PCDHA9: variants seen among roughly 807,000 people sequenced by gnomAD.
PCDHA9 encodes the protein protocadherin alpha 9.
PCDHA9 carries 62 observed loss-of-function variants against 62.0 expected under a neutral mutation model. The observed-to-expected ratio is 1.00, with a 90% CI of 0.81 to 1.23. The LOEUF is 1.23. Among genes scored for constraint, PCDHA9 ranks in the 50% most tolerant of loss-of-function variants. The pLI is 0.00. For synonymous variants in PCDHA9, 557 were observed against 567.6 expected, an observed-to-expected ratio of 0.98 and a Z score of 0.27; for missense variants, 1,205 against 1,249.8, an observed-to-expected ratio of 0.96 and a Z score of 0.54.
intron 1 of PCDHA9, chr5:140,858,460 C>T (rs1395067215): frequency 6.6e-7 from 1 of 1,525,828 alleles, no homozygotes; most frequent in African/African-American, 1.4e-5. Context: ...TTTTCATTTT[C>T]CTTTTGTGCT....
intron 1 of PCDHA9, among the ~76,000 whole-genome samples, chr5:140,973,136 C>G (rs2096573800): frequency 6.6e-6 from 1 of 152,168 alleles, no homozygotes; most frequent in Admixed American, 6.5e-5. Context: ...TTTGCATTCA[C>G]TTTCACTTAT....
At chr5:140,875,616 C>A (rs2055654644) in intron 1 of PCDHA9, 2 of 1,613,748 alleles carry the variant, frequency 1.2e-6, no homozygotes, top group Admixed American at 1.7e-5. Context: ...TGGGCCGCAT[C>A]GCTCAGGACC....
chr5:140,969,428 CAA>C lies in PCDHA9; in HGVS notation c.2395-9520_2395-9519del, dbSNP rs2096329692. The stretch of plus-strand genomic sequence containing the variant: ...GGCTTTATTGAGTCATTAACAGTGA[CAA>C]GAGTTATCTGGTAAACTGAGTATAT... On this transcript the variant is annotated intron_variant, in intron 1 of 3. Coordinates refer to ENST00000532602, the MANE Select transcript of PCDHA9 (RefSeq NM_031857.2). 8.4e-6 allele frequency: 13 copies of C among 1,555,028 alleles called. No homozygotes were observed. The East Asian group carries it at 1.4e-4, about 17-fold the overall frequency.
In PCDHA9 at chr5:140,884,156, G is replaced by C. The variant is rs1554181298; in HGVS notation, c.2394+33267G>C. 1 of 1,613,448 alleles carries C rather than the reference G, an allele frequency of 6.2e-7. No homozygotes were observed. Among genetic ancestry groups the C allele is most frequent in the Admixed American group, 1.7e-5 (1 of 60,012 alleles). On this transcript the variant is annotated intron_variant, in intron 1 of 3. Transcript: ENST00000532602. ...GTTCCGCGTGGGGCTGTACACTGGC[G>C]AGATCAGCACGACGCGCCCTCTGGA...
intron 1 of PCDHA9, among the ~76,000 whole-genome samples, chr5:140,904,555 C>A (rs1345633704): frequency 6.6e-6 from 1 of 151,632 alleles, no homozygotes. Flanking sequence ...CATATAATGA[C>A]TTTTTTTTCC....
chr5:140,959,055 C>A (rs2095463398), intron 1 of PCDHA9, among the ~76,000 whole-genome samples: 1 of 151,914 alleles, frequency 6.6e-6, no homozygotes, highest in African/African-American at 2.4e-5. Flanking sequence ...GGAAAAAATG[C>A]AGTATATATA....
intron 1 of PCDHA9, chr5:140,861,357 G>A (rs560903391): frequency 3.0e-5 from 10 of 335,976 alleles, no homozygotes; most frequent in East Asian, 7.7e-5. Context: ...GGCACATAGC[G>A]TCTTCGCGGT....
chr5:140,854,133 G>A (rs1220974907), intron 1 of PCDHA9: 1 of 410,736 alleles, frequency 2.4e-6, no homozygotes, highest in Non-Finnish European at 3.2e-6. Flanking sequence ...CTGCATTTCA[G>A]CCCGGGTGAC....
chr5:140,982,604 A>G, intron 3 of PCDHA9, 41 bp downstream of exon 3: 1 of 1,607,164 alleles, frequency 6.2e-7, no homozygotes, highest in Non-Finnish European at 8.5e-7. Context: ...TGGTTTCTGG[A>G]AAGTGATCAG....
chr5:140,971,050 C>G (rs2096454255), intron 1 of PCDHA9, among the ~76,000 whole-genome samples: 1 of 152,146 alleles, frequency 6.6e-6, no homozygotes, highest in South Asian at 2.1e-4. Context: ...AAGGGTTTAG[C>G]TTTAAATAAG....
rs139717033 is a variant in PCDHA9 at position 140,850,329 on chromosome 5, C to A, written c.1834C>A (p.Gln612Lys). ...CAACGCGTGGCTTTCATACGAGCTG[C>A]AGCCAGAAACGGCCAGCGCGAGCAT... ...GYNAWLSYEL[Q>K]PETASASIPF... Residue 612 changes from glutamine (Q) to lysine (K), a missense_variant, in exon 1 of 4, where the codon CAG becomes AAG. Gln to Lys is a moderately conservative substitution (Grantham distance 53). This residue lies in a region of PCDHA9 where 887 missense variants were observed against 809.5 expected (regional missense o/e 1.10). Coordinates refer to ENST00000532602, the MANE Select transcript of PCDHA9 (RefSeq NM_031857.2). 510 of 1,597,650 alleles carry A rather than the reference C, an allele frequency of 3.2e-4. 26 individuals are homozygous for A. The African/African-American group carries it at 6.2e-3, about 19-fold the overall frequency.
intron 1 of PCDHA9, among the ~76,000 whole-genome samples, chr5:140,886,194 AAT>A (rs775586198): frequency 9.9e-5 from 15 of 152,172 alleles, no homozygotes; most frequent in Non-Finnish European, 1.9e-4. Context: ...GGCAAGCAGT[AAT>A]CTGTTCTCCA....
At chr5:140,959,568 T>A (rs1333268160) in intron 1 of PCDHA9, among the ~76,000 whole-genome samples, 1 of 152,208 alleles carries the variant, frequency 6.6e-6, no homozygotes, top group African/African-American at 2.4e-5. Flanking sequence ...GTACTAGATT[T>A]TTTGTTTCAA....
chr5:140,931,414 T>C (rs2087515742), intron 1 of PCDHA9, among the ~76,000 whole-genome samples: 1 of 151,886 alleles, frequency 6.6e-6, no homozygotes, highest in Non-Finnish European at 1.5e-5. Context: ...GGCTGATGAA[T>C]CTAGAAGTTA....
chr5:140,928,896 A>G, intron 1 of PCDHA9: 3 of 1,614,108 alleles, frequency 1.9e-6, no homozygotes, highest in Non-Finnish European at 2.5e-6. Context: ...CAGACTTTGA[A>G]GATGTCTGGG....
intron 1 of PCDHA9, among the ~76,000 whole-genome samples, chr5:140,895,090 T>A (rs2064836305): frequency 6.6e-6 from 1 of 152,190 alleles, no homozygotes; most frequent in Non-Finnish European, 1.5e-5. Flanking sequence ...CTCCTCAGTA[T>A]AGGGGTTTTT....
intron 3 of PCDHA9, among the ~76,000 whole-genome samples, chr5:140,997,165 G>A (rs1554255769): frequency 6.6e-6 from 1 of 151,976 alleles, no homozygotes; most frequent in African/African-American, 2.4e-5. Flanking sequence ...CCTGCCCAGA[G>A]TGGTACATTC....
chr5:140,977,640 G>A (rs2096769670), intron 1 of PCDHA9, among the ~76,000 whole-genome samples: 1 of 152,124 alleles, frequency 6.6e-6, no homozygotes, highest in South Asian at 2.1e-4. Flanking sequence ...CTTTTTCTGG[G>A]CCTTGACTTT....
At chr5:140,960,836 AG>A (rs551951864) in intron 1 of PCDHA9, among the ~76,000 whole-genome samples, 345 of 152,342 alleles carry the variant, frequency 2.3e-3, no homozygotes, top group African/African-American at 7.6e-3. Flanking sequence ...AACTTGGAAC[AG>A]GTTTAATGGC....
Sources: gnomAD v4.1 joint callset for allele counts (sites outside exome capture counted in the v4.1 genomes callset) on GRCh38, gnomAD v4.1.1 for gene constraint, gnomAD v4.1.1 regional missense constraint, MANE v1.5 for transcripts, NCBI Gene and HGNC (gene_info 2026-07-23, HGNC 2026-07-21) for gene names.